Variants in LMBR1 observed in about 807,000 individuals in gnomAD.
The protein encoded by LMBR1 is limb region 1 protein homolog.
A neutral mutation model predicts 73.9 loss-of-function variants in LMBR1; 52 were observed. That is an observed-to-expected ratio of 0.70 (90% CI 0.56 to 0.89). The LOEUF (loss-of-function observed/expected upper bound fraction) is 0.89, where lower values mean the gene tolerates loss of function less well. Ranked by LOEUF, LMBR1 falls within the 40% of genes least tolerant of loss-of-function variation. The pLI, the probability that LMBR1 is intolerant of heterozygous loss-of-function variation, is 0.00. For missense variants in LMBR1, 539 were observed against 579.8 expected, an observed-to-expected ratio of 0.93 and a Z score of 0.72; for synonymous variants, 215 against 209.4, an observed-to-expected ratio of 1.03 and a Z score of -0.23.
intron 1 of LMBR1, among the ~76,000 whole-genome samples, chr7:156,872,688 G>A (rs1220980325): frequency 6.6e-6 from 1 of 151,926 alleles, no homozygotes; most frequent in African/African-American, 2.4e-5. Context: ...AATTAAGGAG[G>A]TGAAAGACCT....
intron 1 of LMBR1, among the ~76,000 whole-genome samples, chr7:156,838,911 C>G (rs1374931867): frequency 1.3e-5 from 2 of 152,138 alleles, no homozygotes; most frequent in Non-Finnish European, 2.9e-5. Context: ...TACAGCCACC[C>G]TAACAGATGT....
chr7:156,796,919 A>G (rs1207733328), intron 4 of LMBR1, among the ~76,000 whole-genome samples: 1 of 152,226 alleles, frequency 6.6e-6, no homozygotes, highest in African/African-American at 2.4e-5. Flanking sequence ...AATAATAATT[A>G]GCATTTATTG....
intron 3 of LMBR1, among the ~76,000 whole-genome samples, chr7:156,831,963 T>C (rs1001679269): frequency 1.1e-4 from 16 of 152,332 alleles, no homozygotes; most frequent in African/African-American, 3.4e-4. Flanking sequence ...CTCTTATTCG[T>C]TGTAGCTTTT....
intron 13 of LMBR1, 82 bp from the exon 14 acceptor site, chr7:156,725,607 C>A: frequency 8.0e-7 from 1 of 1,249,000 alleles, no homozygotes; most frequent in Non-Finnish European, 1.1e-6. Context: ...TCTTAAGGCC[C>A]ATAGGAAAAG....
chr7:156,828,568 T>TGCTGAATATAACTAGTC (rs1435814368), intron 3 of LMBR1, among the ~76,000 whole-genome samples: 7 of 152,196 alleles, frequency 4.6e-5, no homozygotes, highest in Non-Finnish European at 7.3e-5. Flanking sequence ...TACACTCAGA[T>TGCTGAATATAACTAGTC]GCTGAATATA....
chr7:156,858,537 G>A (rs925591612), intron 1 of LMBR1, among the ~76,000 whole-genome samples: 2 of 152,086 alleles, frequency 1.3e-5, no homozygotes, highest in Non-Finnish European at 2.9e-5. Context: ...CAGAAGCAGA[G>A]GGAATGCTTT....
chr7:156,714,120 G>A (rs563074166), intron 15 of LMBR1, among the ~76,000 whole-genome samples: 1 of 152,326 alleles, frequency 6.6e-6, no homozygotes, highest in South Asian at 2.1e-4. Flanking sequence ...GAACTGGGAA[G>A]TGAGAGTGTG....
At chr7:156,881,053 C>CA (rs1801011972) in intron 1 of LMBR1, among the ~76,000 whole-genome samples, 1 of 152,076 alleles carries the variant, frequency 6.6e-6, no homozygotes, top group Admixed American at 6.6e-5. Flanking sequence ...GGAGAAAGAA[C>CA]AAAGTTGGTG....
chr7:156,815,317 T>C (rs1033473961), intron 4 of LMBR1, among the ~76,000 whole-genome samples: 1 of 151,674 alleles, frequency 6.6e-6, no homozygotes. Context: ...AAAAAAAAAA[T>C]TTAACCAGCA....
rs117055140 is a variant in LMBR1 at position 156,841,278 on chromosome 7, A to G, written c.67-4393T>C. Among the ~76,000 whole-genome samples the G allele has an allele frequency of 1.7e-3, 253 of 152,268 alleles. 3 individuals are homozygous for G. The South Asian group carries it at 0.031, about 18-fold the overall frequency. The stretch of plus-strand genomic sequence containing the variant: ...AGCTTAACACTGTTGAATCTGACAT[A>G]CATATAATTCACTCAGGTCAAGAGG... On this transcript the variant is annotated intron_variant, in intron 1 of 16. Transcript: ENST00000353442.
intron 4 of LMBR1, among the ~76,000 whole-genome samples, chr7:156,803,313 C>A (rs202126614): frequency 0.34 from 50,249 of 149,728 alleles, 8,649 homozygotes; most frequent in East Asian, 0.56. Flanking sequence ...AGGAAAAAAA[C>A]AAACAACCCC....
rs1437353297 is a variant in LMBR1, at chr7:156,733,705, A to G, written c.838+472T>C. 2.0e-5 allele frequency among the ~76,000 whole-genome samples: 3 copies of G among 152,150 alleles called. No individual in the cohort carries two copies. The South Asian group carries it at 6.2e-4, about 31-fold the overall frequency. On this transcript the variant is annotated intron_variant, in intron 10 of 16. Coordinates refer to ENST00000353442, the MANE Select transcript of LMBR1 (RefSeq NM_022458.4). Reference sequence around the variant, plus strand: ...CCTGAAAAGGGAAGCATGAGGGGAAAAGAAAAAATATTTGGAGAAGTAATG... The same window carrying G: ...CCTGAAAAGGGAAGCATGAGGGGAAGAGAAAAAATATTTGGAGAAGTAATG...
At chr7:156,676,244 T>TAA, downstream of LMBR1, 1 of 1,504,268 alleles carries the variant, frequency 6.6e-7, no homozygotes, top group Non-Finnish European at 8.8e-7. Context: ...TATATGTGTG[T>TAA]GTATATATAT....
rs71189962 is a variant in LMBR1 at position 156,806,598 on chromosome 7, CTTTTTT to C, written c.320-10112_320-10107del. Among the ~76,000 whole-genome samples, 135 of 44,682 alleles carry C rather than the reference CTTTTTT, an allele frequency of 3.0e-3. 1 individual carries two copies. Among genetic ancestry groups the C allele is most frequent in the South Asian group, 0.029 (34 of 1,170 alleles). The allele number at this position is 44,682 out of a possible 152,430, so 29.3% of individuals were successfully genotyped here. A position where few individuals can be genotyped will look rare whatever the true frequency, so the allele number is the denominator to read the frequency against. On this transcript the variant is annotated intron_variant, in intron 4 of 16. Transcript: ENST00000353442. ...GTTATCAGTAGGTTTTTTGTAGATG[CTTTTTT>C]TTTTTTTTTTTTTTTTTTTTTTTGA... is the stretch of plus-strand genomic sequence containing the variant.
intron 1 of LMBR1, among the ~76,000 whole-genome samples, chr7:156,873,898 G>C (rs946405366): frequency 6.6e-6 from 1 of 152,262 alleles, no homozygotes; most frequent in African/African-American, 2.4e-5. Flanking sequence ...TAGACATAAA[G>C]ACTCTCCACA....
chr7:156,734,204 T>C lies in LMBR1; in HGVS notation c.811A>G (p.Asn271Asp). 1.2e-6 allele frequency: 2 copies of C among 1,609,562 alleles called. No individual in the cohort carries two copies. Among genetic ancestry groups the C allele is most frequent in the Non-Finnish European group, 1.7e-6 (2 of 1,178,494 alleles). Residue 271 changes from asparagine (N) to aspartate (D), a missense_variant, in exon 10 of 17, where the codon AAT (asparagine) becomes GAT (aspartate). By Grantham distance (23) the Asn-to-Asp change is conservative (BLOSUM62 1). Around this residue, in one of 3 missense-constraint regions of LMBR1, gnomAD observed 454 missense variants for 473.4 expected, o/e 0.96. Coordinates refer to ENST00000353442, the MANE Select transcript of LMBR1 (RefSeq NM_022458.4). ...AATTTTGTCTTAAGAGTCTTTACAT[T>C]TTCAAGTTCTTGTTCCAACTCCATT... ...NIMELEQELENVKTLKTKLER... is the reference protein window; with the variant it reads ...NIMELEQELEDVKTLKTKLER...
intron 15 of LMBR1, among the ~76,000 whole-genome samples, chr7:156,718,799 G>C (rs976214194): frequency 2.6e-4 from 39 of 151,658 alleles, no homozygotes; most frequent in Admixed American, 2.5e-3. Context: ...GGACAAATTA[G>C]ACCCTTACGA....
At chr7:156,863,494 T>C (rs1158575890) in intron 1 of LMBR1, among the ~76,000 whole-genome samples, 4 of 152,196 alleles carry the variant, frequency 2.6e-5, no homozygotes, top group African/African-American at 7.2e-5. Flanking sequence ...CCAGGATCAA[T>C]ACTTTGCATC....
chr7:156,680,401 A>AGTGTGTGTGTGTGTGTGTGTGTGTGTGT lies in LMBR1; in HGVS notation c.*3676_*3677insACACACACACACACACACACACACACAC, dbSNP rs1164308979. On this transcript the variant is annotated 3_prime_UTR_variant, in exon 17 of 17. Coordinates refer to ENST00000353442, the MANE Select transcript of LMBR1 (RefSeq NM_022458.4). ...CAGAGAGAGAGAGAGAGAGAGAGAGAGAGTGTGTGTGTGTGTGTGTGTGTA... is the reference window on the plus strand; with the variant it reads ...CAGAGAGAGAGAGAGAGAGAGAGAGAGTGTGTGTGTGTGTGTGTGTGTGTGTGTGAGTGTGTGTGTGTGTGTGTGTGTA... The AGTGTGTGTGTGTGTGTGTGTGTGTGTGT allele has an allele frequency of 7.4e-6, 1 of 134,416 alleles. No individual in the cohort carries two copies. The highest frequency in any genetic ancestry group is 3.0e-5 in the African/African-American group (1 of 33,362). 8.3% of individuals were successfully genotyped at this position (134,416 alleles called of 1,614,324 possible). A position where few individuals can be genotyped will look rare whatever the true frequency, so the allele number is the denominator to read the frequency against.
Sources: gnomAD v4.1 joint callset for allele counts (sites outside exome capture counted in the v4.1 genomes callset) on GRCh38, gnomAD v4.1.1 for gene constraint, gnomAD v4.1.1 regional missense constraint, MANE v1.5 for transcripts, NCBI Gene and HGNC (gene_info 2026-07-23, HGNC 2026-07-21) for gene names.